Variants in COL23A1 observed in about 807,000 individuals in gnomAD.
The protein encoded by COL23A1 is collagen alpha-1(XXIII) chain.
COL23A1 carries 97 observed loss-of-function variants against 99.3 expected under a neutral mutation model. The observed-to-expected ratio is 0.98, with a 90% CI of 0.83 to 1.16. The LOEUF (loss-of-function observed/expected upper bound fraction) is 1.16. COL23A1 is among the 50% of genes most tolerant of loss of function. The pLI is 0.00. For missense variants in COL23A1, 762 were observed against 757.4 expected, an observed-to-expected ratio of 1.01 and a Z score of -0.07; for synonymous variants, 320 against 308.2, an observed-to-expected ratio of 1.04 and a Z score of -0.40.
At chr5:178,357,628 T>C (rs750435917) in intron 2 of COL23A1, among the ~76,000 whole-genome samples, 1 of 152,248 alleles carries the variant, frequency 6.6e-6, no homozygotes, top group Admixed American at 6.5e-5. Context: ...TGCTTTCACA[T>C]GTTTGTCCCA....
chr5:178,450,978 A>G (rs1001407252), intron 2 of COL23A1, among the ~76,000 whole-genome samples: 1 of 152,216 alleles, frequency 6.6e-6, no homozygotes, highest in African/African-American at 2.4e-5. Flanking sequence ...AGAACGTACT[A>G]CTTAAGTCAA....
At chr5:178,254,926 C>T in intron 16 of COL23A1, 23 bp downstream of exon 16, 1 of 1,600,468 alleles carries the variant, frequency 6.2e-7, no homozygotes, top group African/African-American at 1.4e-5. Context: ...TAAGGCACAT[C>T]CTGGTCCCAC....
intron 2 of COL23A1, among the ~76,000 whole-genome samples, chr5:178,437,228 C>T (rs1211655238): frequency 1.3e-5 from 2 of 152,204 alleles, no homozygotes; most frequent in African/African-American, 4.8e-5. Flanking sequence ...ATACAATACA[C>T]AGCCCACAGG....
Position 178,269,795 on chromosome 5 carries a change from G to GCATCCATCCATCCATC in COL23A1, c.468+526_468+541dup, listed in dbSNP as rs112165051. ...ATCCATCCATCCATCTATCCAGTCA[G>GCATCCATCCATCCATC]CATCCATCCATCCATCCATCCATCC... is the stretch of plus-strand genomic sequence containing the variant. On this transcript the variant is annotated intron_variant, in intron 6 of 28. Coordinates refer to ENST00000390654, the MANE Select transcript of COL23A1 (RefSeq NM_173465.4). Among the ~76,000 whole-genome samples the GCATCCATCCATCCATC allele has an allele frequency of 7.2e-3, 1,023 of 142,030 alleles. 15 individuals carry two copies. Among genetic ancestry groups the GCATCCATCCATCCATC allele is most frequent in the Middle Eastern group, 0.033 (8 of 246 alleles). The allele number at this position is 142,030 out of a possible 152,430, so 93.2% of individuals were successfully genotyped here. A position where few individuals can be genotyped will look rare whatever the true frequency, so the allele number is the denominator to read the frequency against.
At chr5:178,443,067 AC>A (rs1185911025) in intron 2 of COL23A1, 5 of 152,400 alleles carry the variant, frequency 3.3e-5, no homozygotes, top group African/African-American at 1.2e-4. Context: ...TCGCTGTCCC[AC>A]TGCCTTCATT....
In COL23A1 at chr5:178,288,183, C is replaced by A. The variant is rs1468993200; in HGVS notation, c.441+141G>T. ...AGCCTTTACCTCCCCAGAGCTCACG[C>A]TAATCGCCTCCACAGAAAGACCACG... On this transcript the variant is annotated intron_variant, in intron 5 of 28. Coordinates refer to ENST00000390654, the MANE Select transcript of COL23A1 (RefSeq NM_173465.4). The A allele has an allele frequency of 1.2e-5, 10 of 838,386 alleles. No individual in the cohort carries two copies. In the African/African-American group the frequency reaches 1.7e-4, roughly 14 times the overall value. 51.9% of individuals were successfully genotyped at this position (838,386 alleles called of 1,614,324 possible).
intron 2 of COL23A1, among the ~76,000 whole-genome samples, chr5:178,405,875 GGT>G (rs1454690125): frequency 6.6e-6 from 1 of 152,028 alleles, no homozygotes; most frequent in African/African-American, 2.4e-5. Flanking sequence ...GGTCAAGGCG[GGT>G]GGATCACTTG....
At chr5:178,572,060 T>A (rs1384074243) in intron 1 of COL23A1, among the ~76,000 whole-genome samples, 1 of 60,280 alleles carries the variant, frequency 1.7e-5, no homozygotes, top group Admixed American at 1.7e-4. Context: ...AGAGCGAGAC[T>A]CTTTCTCAAA....
At chr5:178,271,828 C>T (rs959290468) in intron 5 of COL23A1, among the ~76,000 whole-genome samples, 1 of 152,120 alleles carries the variant, frequency 6.6e-6, no homozygotes, top group African/African-American at 2.4e-5. Flanking sequence ...CGGGGAGGGC[C>T]CTGTAAGCAA....
At chr5:178,249,714 A>ACTCTCTCT (rs1554125211) in intron 18 of COL23A1, among the ~76,000 whole-genome samples, 5 of 116,214 alleles carry the variant, frequency 4.3e-5, no homozygotes, top group African/African-American at 1.7e-4. Context: ...ACACACACAC[A>ACTCTCTCT]CACTCTCTCT....
chr5:178,574,552 G>C (rs1329150215), intron 1 of COL23A1, among the ~76,000 whole-genome samples: 12 of 152,142 alleles, frequency 7.9e-5, no homozygotes, highest in Non-Finnish European at 1.8e-4. Context: ...CAATGAAAAG[G>C]TTGCTCCCGG....
intron 2 of COL23A1, chr5:178,344,873 A>G (rs868466689): frequency 3.5e-5 from 27 of 770,330 alleles, no homozygotes; most frequent in Admixed American, 2.4e-4. Flanking sequence ...TGGCATTACC[A>G]GAAGAGTCTT....
In COL23A1 at chr5:178,248,255, C is replaced by T; in HGVS notation, c.1150-1G>A. 1 of 1,611,490 alleles carries T rather than the reference C, an allele frequency of 6.2e-7. No individual in the cohort carries two copies. The highest frequency in any genetic ancestry group is 8.5e-7 in the Non-Finnish European group (1 of 1,177,904). ...TCTCCCCCTTGAGGCCGTCAGCGCC[C>T]TGCAGGACGGCAATGGCCTGTGAGT... On this transcript the variant is annotated splice_acceptor_variant, in intron 19 of 28. Coordinates refer to ENST00000390654, the MANE Select transcript of COL23A1 (RefSeq NM_173465.4). LOFTEE classifies it high-confidence loss of function.
At chr5:178,425,460 AAT>A (rs1765871248) in intron 2 of COL23A1, among the ~76,000 whole-genome samples, 3 of 121,626 alleles carry the variant, frequency 2.5e-5, no homozygotes, top group African/African-American at 8.0e-5. Context: ...TAAATAAATA[AAT>A]AAATAAAAAT....
intron 2 of COL23A1, among the ~76,000 whole-genome samples, chr5:178,358,236 GTGTATGTGTA>G (rs1333197442): frequency 1.3e-5 from 1 of 78,762 alleles, no homozygotes; most frequent in Non-Finnish European, 2.3e-5. Context: ...GTGTGTATGT[GTGTATGTGTA>G]TGTGTGTGTA....
At chr5:178,498,209 TATA>T (rs1758301020) in intron 2 of COL23A1, among the ~76,000 whole-genome samples, 1 of 14,508 alleles carries the variant, frequency 6.9e-5, no homozygotes, top group South Asian at 2.5e-3. Context: ...TATTTAAATA[TATA>T]TATATATATA....
At chr5:178,242,172 C>G in intron 26 of COL23A1, 44 bp from the exon 27 acceptor site, 2 of 1,518,580 alleles carry the variant, frequency 1.3e-6, no homozygotes, top group Non-Finnish European at 8.9e-7. Flanking sequence ...GGCTGCCAGG[C>G]TTAGGAACCT....
chr5:178,375,998 C>T (rs954893682), intron 2 of COL23A1, among the ~76,000 whole-genome samples: 35 of 152,332 alleles, frequency 2.3e-4, no homozygotes, highest in African/African-American at 6.5e-4. Flanking sequence ...TGAGCCACCA[C>T]GCCCGGCTCC....
rs188190300 is a variant in COL23A1, at chr5:178,573,504, C to T, written c.295-12756G>A. Among the ~76,000 whole-genome samples, 452 of 152,326 alleles carry T rather than the reference C, an allele frequency of 3.0e-3. 4 individuals are homozygous for T. The highest frequency in any genetic ancestry group is 0.01 in the African/African-American group (425 of 41,572). ...CTCTCTTTCAAACCACGTCAGCAAA[C>T]GCATTTCCTCAAGGGTCCCTGATAG... is the stretch of plus-strand genomic sequence containing the variant. On this transcript the variant is annotated intron_variant, in intron 1 of 28. Transcript: ENST00000390654.
Sources: allele counts gnomAD v4.1 joint callset (sites outside exome capture counted in the v4.1 genomes callset), GRCh38; gene constraint gnomAD v4.1.1; transcripts MANE v1.5; gene names NCBI Gene and HGNC (gene_info 2026-07-23, HGNC 2026-07-21).